LRMDA: variants seen among roughly 807,000 people sequenced by gnomAD.
The protein encoded by LRMDA is leucine-rich melanocyte differentiation-associated protein.
A neutral mutation model predicts 29.8 loss-of-function variants in LRMDA; 18 were observed. The observed-to-expected ratio is 0.60, with a 90% CI of 0.42 to 0.90. The LOEUF (loss-of-function observed/expected upper bound fraction) is 0.90. Ranked by LOEUF, LRMDA falls within the 40% of genes least tolerant of loss-of-function variation. The pLI is 0.00. For synonymous variants in LRMDA, 125 were observed against 109.4 expected, an observed-to-expected ratio of 1.14 and a Z score of -0.89; for missense variants, 273 against 273.9, an observed-to-expected ratio of 1.00 and a Z score of 0.02.
intron 6 of LRMDA, among the ~76,000 whole-genome samples, chr10:76,336,360 G>A (rs963753535): frequency 5.3e-5 from 8 of 152,170 alleles, no homozygotes; most frequent in African/African-American, 1.9e-4. Context: ...GTTGCCAGAG[G>A]AGTTCTTAGT....
At chr10:76,100,371 C>G (rs1385785213) in intron 5 of LRMDA, among the ~76,000 whole-genome samples, 4 of 152,158 alleles carry the variant, frequency 2.6e-5, no homozygotes, top group Non-Finnish European at 4.4e-5. Context: ...CTAACAGGCC[C>G]CCATCTCACA....
At chr10:75,580,301 T>C (rs1049554576) in intron 2 of LRMDA, among the ~76,000 whole-genome samples, 4 of 152,170 alleles carry the variant, frequency 2.6e-5, no homozygotes, top group South Asian at 2.1e-4. Flanking sequence ...AGCCAAATCA[T>C]GAGTGAACTC....
chr10:76,338,509 T>A (rs1392585415), intron 6 of LRMDA, among the ~76,000 whole-genome samples: 5 of 152,124 alleles, frequency 3.3e-5, no homozygotes, highest in Non-Finnish European at 7.4e-5. Context: ...TACAGCCACA[T>A]GGGTCACATT....
At chr10:75,563,746 A>G (rs1378276223) in intron 2 of LRMDA, among the ~76,000 whole-genome samples, 1 of 152,004 alleles carries the variant, frequency 6.6e-6, no homozygotes, top group East Asian at 1.9e-4. Context: ...TTTCCTTCTA[A>G]CAGACAGGAC....
chr10:76,300,449 G>A (rs935848773), intron 5 of LRMDA, among the ~76,000 whole-genome samples: 1 of 152,166 alleles, frequency 6.6e-6, no homozygotes, highest in Admixed American at 6.5e-5. Flanking sequence ...TTCTATCCTG[G>A]GCAAGCCATC....
intron 5 of LRMDA, among the ~76,000 whole-genome samples, chr10:76,291,129 T>C (rs950564210): frequency 1.3e-5 from 2 of 152,190 alleles, no homozygotes; most frequent in African/African-American, 4.8e-5. Context: ...TGAGTGTTAC[T>C]GCAAAATGAA....
intron 2 of LRMDA, among the ~76,000 whole-genome samples, chr10:75,974,116 G>A (rs1847029609): frequency 6.6e-6 from 1 of 152,098 alleles, no homozygotes; most frequent in Non-Finnish European, 1.5e-5. Context: ...GTATTCCATT[G>A]TCCCCAGTTT....
At chr10:76,319,277 C>T (rs927054559) in intron 5 of LRMDA, 1 of 152,132 alleles carries the variant, frequency 6.6e-6, no homozygotes, top group African/African-American at 2.4e-5. Context: ...TTGACTTCTT[C>T]CTGTATTTTT....
chr10:75,990,851 T>A (rs1186794535), intron 2 of LRMDA, among the ~76,000 whole-genome samples: 1 of 152,144 alleles, frequency 6.6e-6, no homozygotes, highest in Non-Finnish European at 1.5e-5. Flanking sequence ...GTGGAGGACT[T>A]CTGGGGACTT....
intron 2 of LRMDA, among the ~76,000 whole-genome samples, chr10:76,023,209 T>G (rs1848007240): frequency 6.6e-6 from 1 of 152,196 alleles, no homozygotes; most frequent in Non-Finnish European, 1.5e-5. Context: ...TCAGCCATTA[T>G]GCACATACAA....
intron 2 of LRMDA, among the ~76,000 whole-genome samples, chr10:75,470,895 T>C (rs1232135210): frequency 6.6e-6 from 1 of 152,228 alleles, no homozygotes; most frequent in Non-Finnish European, 1.5e-5. Flanking sequence ...ACCTGAAGGA[T>C]TCATTCCAGA....
intron 5 of LRMDA, among the ~76,000 whole-genome samples, chr10:76,322,740 G>C (rs1840787007): frequency 6.6e-6 from 1 of 152,106 alleles, no homozygotes; most frequent in Non-Finnish European, 1.5e-5. Flanking sequence ...GGATTTTTGG[G>C]TCTTTTTTTT....
At chr10:76,305,479 A>G (rs543994986) in intron 5 of LRMDA, among the ~76,000 whole-genome samples, 2 of 152,296 alleles carry the variant, frequency 1.3e-5, no homozygotes, top group African/African-American at 4.8e-5. Context: ...TATACCTAGA[A>G]TGGGATCTCC....
At chr10:76,389,204 A>G (rs1564527864) in intron 6 of LRMDA, among the ~76,000 whole-genome samples, 2 of 152,172 alleles carry the variant, frequency 1.3e-5, no homozygotes, top group African/African-American at 2.4e-5. Flanking sequence ...CGGCATGTAG[A>G]AAGCCCCCAG....
intron 5 of LRMDA, among the ~76,000 whole-genome samples, chr10:76,084,354 C>T (rs1353751429): frequency 1.2e-4 from 17 of 145,662 alleles, no homozygotes; most frequent in East Asian, 4.0e-4. Flanking sequence ...TGTGCCACTG[C>T]GCCCAGCTAA....
At chr10:76,322,109 T>C (rs1448308972) in intron 5 of LRMDA, among the ~76,000 whole-genome samples, 3 of 152,228 alleles carry the variant, frequency 2.0e-5, no homozygotes, top group Non-Finnish European at 2.9e-5. Context: ...ATACTCAATA[T>C]ACGATGGGTG....
intron 5 of LRMDA, among the ~76,000 whole-genome samples, chr10:76,139,366 CA>C (rs1850156315): frequency 3.3e-5 from 5 of 152,126 alleles, no homozygotes; most frequent in Admixed American, 2.6e-4. Context: ...TATTATCCTA[CA>C]ATTTAACCTG....
chr10:76,378,872 T>TC (rs1841554816), intron 6 of LRMDA, among the ~76,000 whole-genome samples: 8 of 148,498 alleles, frequency 5.4e-5, no homozygotes, highest in African/African-American at 2.0e-4. Context: ...TTTTTTTTTT[T>TC]TTGAGACGAT....
At chr10:76,383,164 A>G (rs943481968) in intron 6 of LRMDA, among the ~76,000 whole-genome samples, 1 of 152,202 alleles carries the variant, frequency 6.6e-6, no homozygotes, top group Non-Finnish European at 1.5e-5. Flanking sequence ...TGACAAATAC[A>G]TGATCTGAAG....
Sources: allele counts gnomAD v4.1 joint callset (sites outside exome capture counted in the v4.1 genomes callset), GRCh38; gene constraint gnomAD v4.1.1; transcripts MANE v1.5; gene names NCBI Gene and HGNC (gene_info 2026-07-23, HGNC 2026-07-21).